The following ARHGAP5 variants were observed in gnomAD, a reference collection of about 807,000 sequenced individuals.
ARHGAP5 encodes rho GTPase-activating protein 5.
A neutral mutation model predicts 116.6 loss-of-function variants in ARHGAP5; 23 were observed. The observed-to-expected ratio is 0.20, with a 90% CI of 0.14 to 0.28. ARHGAP5 has a LOEUF of 0.28. ARHGAP5 is among the 10% of genes least tolerant of loss of function. ARHGAP5 has a pLI of 1.00. For synonymous variants in ARHGAP5, 574 were observed against 602.0 expected (o/e 0.95, Z 0.68); for missense variants, 1,405 against 1,774.8 (o/e 0.79, Z 3.74).
At chr14:32,113,956 C>T (rs939814934) in intron 2 of ARHGAP5, among the ~76,000 whole-genome samples, 1 of 152,230 alleles carries the variant, frequency 6.6e-6, no homozygotes, top group Non-Finnish European at 1.5e-5. Flanking sequence ...AGGCCAGGCG[C>T]AGTGACTCAC....
chr14:32,084,170 T>C (rs1364149493), intron 1 of ARHGAP5, among the ~76,000 whole-genome samples: 1 of 152,192 alleles, frequency 6.6e-6, no homozygotes, highest in East Asian at 1.9e-4. Context: ...CATTGGTTTT[T>C]CACATATTTT....
At chr14:32,124,948 C>T (rs1461603319) in intron 3 of ARHGAP5, among the ~76,000 whole-genome samples, 1 of 152,106 alleles carries the variant, frequency 6.6e-6, no homozygotes, top group African/African-American at 2.4e-5. Context: ...AAAAATTTTA[C>T]TAAGAAGCAT....
intron 3 of ARHGAP5, among the ~76,000 whole-genome samples, chr14:32,125,461 G>A (rs944443317): frequency 6.6e-6 from 1 of 152,090 alleles, no homozygotes; most frequent in African/African-American, 2.4e-5. Context: ...ACAACTATTC[G>A]TTCAAGTACC....
At chr14:32,081,789 A>G (rs1273076443) in intron 1 of ARHGAP5, among the ~76,000 whole-genome samples, 1 of 152,164 alleles carries the variant, frequency 6.6e-6, no homozygotes, top group East Asian at 1.9e-4. Flanking sequence ...TCTGTTGATC[A>G]TGTTCTTTTA....
Position 32,156,666 on chromosome 14 carries a change from C to G in ARHGAP5, c.*1718C>G, listed in dbSNP as rs1254162503. ...ATCCGGTAAATGTAGTATTCTTAACCTGTTCTATATTACTTATACCTATTG... is the reference window on the plus strand; with the variant it reads ...ATCCGGTAAATGTAGTATTCTTAACGTGTTCTATATTACTTATACCTATTG... On this transcript the variant is annotated 3_prime_UTR_variant, in exon 7 of 7. Coordinates refer to ENST00000345122, the MANE Select transcript of ARHGAP5 (RefSeq NM_001030055.2). 1 of 152,076 alleles carries G rather than the reference C, an allele frequency of 6.6e-6. No homozygotes were observed. The highest frequency in any genetic ancestry group is 1.9e-4 in the East Asian group (1 of 5,188). 9.4% of individuals were successfully genotyped at this position (152,076 alleles called of 1,614,324 possible). A position where few individuals can be genotyped will look rare whatever the true frequency, so the allele number is the denominator to read the frequency against.
At chr14:32,136,239 T>C (rs1478551459) in intron 3 of ARHGAP5, among the ~76,000 whole-genome samples, 1 of 152,230 alleles carries the variant, frequency 6.6e-6, no homozygotes, top group Non-Finnish European at 1.5e-5. Flanking sequence ...CAAAATATTT[T>C]AATTGCTCCA....
chr14:32,116,110 AC>A (rs1257726962), intron 2 of ARHGAP5, among the ~76,000 whole-genome samples: 1 of 143,496 alleles, frequency 7.0e-6, no homozygotes, highest in East Asian at 2.1e-4. Context: ...ATACGGTGAA[AC>A]CCCCGTCTCT....
intron 3 of ARHGAP5, among the ~76,000 whole-genome samples, chr14:32,142,958 T>C (rs1881194647): frequency 1.3e-5 from 2 of 152,194 alleles, no homozygotes; most frequent in Non-Finnish European, 2.9e-5. Flanking sequence ...ATTTATGGAT[T>C]ATTTATACAC....
intron 3 of ARHGAP5, among the ~76,000 whole-genome samples, chr14:32,144,160 G>A (rs545464202): frequency 1.3e-5 from 2 of 152,264 alleles, no homozygotes; most frequent in East Asian, 1.9e-4. Flanking sequence ...AGCAGGGAAC[G>A]TGTCAATGAG....
intron 2 of ARHGAP5, among the ~76,000 whole-genome samples, chr14:32,095,762 C>T (rs1878497507): frequency 6.6e-6 from 1 of 152,176 alleles, no homozygotes; most frequent in Non-Finnish European, 1.5e-5. Context: ...ACATACTCAA[C>T]TCATAACATG....
intron 2 of ARHGAP5, among the ~76,000 whole-genome samples, chr14:32,111,948 G>A (rs767606729): frequency 5.5e-5 from 8 of 145,572 alleles, no homozygotes; most frequent in Non-Finnish European, 1.0e-4. Context: ...TGATTCTCCT[G>A]CCTCAGACTA....
intron 3 of ARHGAP5, among the ~76,000 whole-genome samples, chr14:32,128,281 C>T (rs895601023): frequency 2.0e-5 from 3 of 152,168 alleles, no homozygotes; most frequent in Non-Finnish European, 4.4e-5. Context: ...GATGGGGTGG[C>T]GGCCGGGCAG....
At chr14:32,148,070 T>G (rs1012872582) in intron 4 of ARHGAP5, among the ~76,000 whole-genome samples, 1 of 152,144 alleles carries the variant, frequency 6.6e-6, no homozygotes, top group Non-Finnish European at 1.5e-5. Flanking sequence ...AGAGCATCAC[T>G]TGAACCCAGG....
intron 1 of ARHGAP5, among the ~76,000 whole-genome samples, chr14:32,078,997 CT>C (rs2138990167): frequency 6.6e-6 from 1 of 152,126 alleles, no homozygotes; most frequent in South Asian, 2.1e-4. Context: ...TTCATCTATC[CT>C]TTGTATACTA....
intron 3 of ARHGAP5, among the ~76,000 whole-genome samples, chr14:32,124,502 T>C (rs1880047816): frequency 6.6e-6 from 1 of 152,080 alleles, no homozygotes; most frequent in South Asian, 2.1e-4. Flanking sequence ...AGAGAGTAAC[T>C]GAAGAGAAAG....
intron 3 of ARHGAP5, among the ~76,000 whole-genome samples, chr14:32,137,241 T>G (rs1402907945): frequency 6.7e-6 from 1 of 148,710 alleles, no homozygotes; most frequent in African/African-American, 2.5e-5. Flanking sequence ...TAATATATTT[T>G]TGTATCTAGT....
chr14:32,084,133 G>A (rs1425918419), intron 1 of ARHGAP5, among the ~76,000 whole-genome samples: 2 of 152,164 alleles, frequency 1.3e-5, no homozygotes, highest in African/African-American at 4.8e-5. Context: ...TAGGGTAGAA[G>A]TTAATGTGTT....
chr14:32,150,215 A>G (rs1179766244), intron 5 of ARHGAP5, among the ~76,000 whole-genome samples, 182 bp downstream of exon 5: 2 of 152,228 alleles, frequency 1.3e-5, no homozygotes, highest in African/African-American at 4.8e-5. Flanking sequence ...GATGGCCTCC[A>G]GGAATATTCT....
At position 32,093,023 on chromosome 14, in the gene ARHGAP5, T is replaced by C. The variant is rs148538118; in HGVS notation, c.2354T>C (p.Met785Thr). 6.2e-6 allele frequency: 10 copies of C among 1,614,094 alleles called. No individual in the cohort carries two copies. The South Asian group carries it at 8.8e-5, about 14-fold the overall frequency. The change falls in exon 2 of 7, where the codon ATG becomes ACG. Residue 785 changes from methionine (M) to threonine (T), a missense_variant. Met to Thr is a moderately conservative substitution (Grantham distance 81). Coordinates refer to ENST00000345122, the MANE Select transcript of ARHGAP5 (RefSeq NM_001030055.2). ...GACTTGAGAATTGTCATGTGCGCCA[T>C]GTGTGGAGATCCATTTAGTGTGGAT... The part of the protein sequence containing the change: ...EADLRIVMCA[M>T]CGDPFSVDLI...
Sources: allele counts gnomAD v4.1 joint callset (sites outside exome capture counted in the v4.1 genomes callset), GRCh38; gene constraint gnomAD v4.1.1; transcripts MANE v1.5; gene names NCBI Gene and HGNC (gene_info 2026-07-23, HGNC 2026-07-21).